The following SHISA9 variants were observed in gnomAD, a reference collection of about 807,000 sequenced individuals.
SHISA9 encodes the protein protein shisa-9.
In SHISA9, 13 loss-of-function variants were observed where a neutral mutation model predicts 38.0. That is an observed-to-expected ratio of 0.34 (90% CI 0.22 to 0.54). SHISA9 has a LOEUF of 0.54. Among genes scored for constraint, SHISA9 ranks in the 20% least tolerant of loss-of-function variants. The probability of loss-of-function intolerance (pLI) is 0.91; values close to 1 mark genes in which losing one functional copy is unlikely to be tolerated. For synonymous variants in SHISA9, 275 were observed against 242.0 expected (o/e 1.14, Z -1.27); for missense variants, 538 against 575.8 (o/e 0.93, Z 0.67).
chr16:13,196,466 T>A (rs1031446655), intron 2 of SHISA9, among the ~76,000 whole-genome samples: 2 of 150,440 alleles, frequency 1.3e-5, no homozygotes, highest in African/African-American at 2.4e-5. Flanking sequence ...CCCTCAAAAC[T>A]GTCAAAGTCA....
chr16:13,423,689 C>T, the SHISA9 span, among the ~76,000 whole-genome samples: 1 of 152,188 alleles, frequency 6.6e-6, no homozygotes, highest in Non-Finnish European at 1.5e-5. Context: ...CTGCTCAGGT[C>T]TTACAAGGCT....
At chr16:13,433,254 GATCCACCATTT>G in the SHISA9 span, among the ~76,000 whole-genome samples, 1 of 152,168 alleles carries the variant, frequency 6.6e-6, no homozygotes, top group Non-Finnish European at 1.5e-5. Flanking sequence ...TTAAACTTCA[GATCCACCATTT>G]AACTCACGGT....
chr16:13,068,733 T>A (rs956877934), intron 2 of SHISA9, among the ~76,000 whole-genome samples: 5 of 152,206 alleles, frequency 3.3e-5, no homozygotes, highest in African/African-American at 9.7e-5. Flanking sequence ...TGTGTATAAA[T>A]GTGTGAGTGC....
chr16:13,458,298 G>A, the SHISA9 span: 1 of 258,826 alleles, frequency 3.9e-6, no homozygotes, highest in African/African-American at 2.3e-5. Context: ...GGGGATCATG[G>A]GAGATCATAA....
chr16:13,188,716 CAAAAAAAAAAAAA>C (rs35558481), intron 2 of SHISA9, among the ~76,000 whole-genome samples: 1 of 79,346 alleles, frequency 1.3e-5, no homozygotes, highest in Non-Finnish European at 2.2e-5. Flanking sequence ...GACCCTGTTT[CAAAAAAAAAAAAA>C]AAAAAAAAAG....
At chr16:13,355,121 C>T in the SHISA9 span, among the ~76,000 whole-genome samples, 1,225 of 149,844 alleles carry the variant, frequency 8.2e-3, 17 homozygotes, top group African/African-American at 0.028. Context: ...TTTGGCACCA[C>T]GGGGTGGATA....
chr16:13,280,787 A>G, the SHISA9 span, among the ~76,000 whole-genome samples: 5 of 151,750 alleles, frequency 3.3e-5, no homozygotes, highest in Admixed American at 3.3e-4. Flanking sequence ...TATAAGAATT[A>G]TAACTATAAA....
chr16:13,557,682 A>T, the SHISA9 span, among the ~76,000 whole-genome samples: 1 of 152,160 alleles, frequency 6.6e-6, no homozygotes, highest in African/African-American at 2.4e-5. Flanking sequence ...TTTGAGGATA[A>T]TTTACTGCTC....
the SHISA9 span, among the ~76,000 whole-genome samples, chr16:13,343,478 C>T: frequency 3.3e-5 from 5 of 152,032 alleles, no homozygotes; most frequent in African/African-American, 1.2e-4. Context: ...CACCTGCTCC[C>T]ACACCACATC....
At chr16:13,471,437 C>G in the SHISA9 span, among the ~76,000 whole-genome samples, 1 of 152,234 alleles carries the variant, frequency 6.6e-6, no homozygotes, top group Non-Finnish European at 1.5e-5. Flanking sequence ...ATCCGACTCT[C>G]TCCTTTTTCC....
the SHISA9 span, among the ~76,000 whole-genome samples, chr16:13,429,472 C>G: frequency 6.6e-5 from 10 of 152,146 alleles, no homozygotes; most frequent in Non-Finnish European, 1.3e-4. Context: ...TCCTGGGTGT[C>G]TTCACATCGT....
the SHISA9 span, among the ~76,000 whole-genome samples, chr16:13,434,425 T>TTTTTTTTTTTGTTTTG: frequency 1.5e-5 from 2 of 132,322 alleles, no homozygotes; most frequent in Non-Finnish European, 3.2e-5. Flanking sequence ...CTATGTTTTT[T>TTTTTTTTTTTGTTTTG]TTTTTTTTTT....
At chr16:12,974,065 T>C (rs903259819) in intron 2 of SHISA9, among the ~76,000 whole-genome samples, 3 of 152,102 alleles carry the variant, frequency 2.0e-5, no homozygotes, top group African/African-American at 7.2e-5. Context: ...CAGGATTCTT[T>C]GGTGGTAAGC....
chr16:13,123,514 T>G (rs2050231837), intron 2 of SHISA9, among the ~76,000 whole-genome samples: 1 of 152,220 alleles, frequency 6.6e-6, no homozygotes, highest in Non-Finnish European at 1.5e-5. Flanking sequence ...GTGGCTGTTC[T>G]AAGTAACACA....
At chr16:13,164,953 A>G (rs1306755436) in intron 2 of SHISA9, among the ~76,000 whole-genome samples, 2 of 152,148 alleles carry the variant, frequency 1.3e-5, no homozygotes, top group African/African-American at 2.4e-5. Flanking sequence ...GAAATCTGCT[A>G]CTATTCTCAT....
At chr16:13,078,906 C>T (rs558241423) in intron 2 of SHISA9, among the ~76,000 whole-genome samples, 13 of 152,202 alleles carry the variant, frequency 8.5e-5, no homozygotes, top group African/African-American at 2.4e-4. Flanking sequence ...AAAAATTAAC[C>T]GGGAGCGTAA....
At chr16:13,405,036 T>A in the SHISA9 span, among the ~76,000 whole-genome samples, 3 of 152,154 alleles carry the variant, frequency 2.0e-5, no homozygotes, top group African/African-American at 7.2e-5. Flanking sequence ...GCTTCCACGG[T>A]GGATGGTGGT....
chr16:13,202,936 A>C (rs2051019716), intron 2 of SHISA9, among the ~76,000 whole-genome samples: 1 of 152,170 alleles, frequency 6.6e-6, no homozygotes, highest in African/African-American at 2.4e-5. Context: ...GTCCACCAGC[A>C]GCTTTAAGAG....
At chr16:13,411,255 G>A in the SHISA9 span, among the ~76,000 whole-genome samples, 1 of 152,152 alleles carries the variant, frequency 6.6e-6, no homozygotes, top group Admixed American at 6.5e-5. Context: ...AGAAAAAATG[G>A]GAATGGCAGT....
Sources: allele counts gnomAD v4.1 joint callset (sites outside exome capture counted in the v4.1 genomes callset), GRCh38; gene constraint gnomAD v4.1.1; transcripts MANE v1.5; gene names NCBI Gene and HGNC (gene_info 2026-07-23, HGNC 2026-07-21).